Variants in DGKB observed in about 807,000 individuals in gnomAD.
DGKB encodes diacylglycerol kinase beta.
Under a neutral mutation model 114.3 loss-of-function variants are expected in DGKB, and 67 were observed. The ratio of observed to expected loss-of-function variants is 0.59; its 90% CI spans 0.48 to 0.72. DGKB has a LOEUF of 0.72. Among genes scored for constraint, DGKB ranks in the 30% least tolerant of loss-of-function variants. DGKB has a pLI of 0.00. For missense variants in DGKB, 907 were observed against 975.2 expected (o/e 0.93, Z 0.93); for synonymous variants, 398 against 323.1 (o/e 1.23, Z -2.49).
chr7:14,867,880 G>C (rs1268244052), intron 1 of DGKB, among the ~76,000 whole-genome samples: 1 of 152,060 alleles, frequency 6.6e-6, no homozygotes, highest in Non-Finnish European at 1.5e-5. Flanking sequence ...CAAATCAGCT[G>C]TCCCAGTCAA....
intron 2 of DGKB, among the ~76,000 whole-genome samples, chr7:14,809,036 CT>C (rs1158970865): frequency 6.6e-6 from 1 of 152,050 alleles, no homozygotes; most frequent in African/African-American, 2.4e-5. Flanking sequence ...TTAAAGAGAA[CT>C]CTAGAAACAA....
chr7:14,576,743 T>C (rs1251103345), intron 19 of DGKB, among the ~76,000 whole-genome samples: 1 of 152,212 alleles, frequency 6.6e-6, no homozygotes, highest in Non-Finnish European at 1.5e-5. Flanking sequence ...ATGAATGTAG[T>C]GAAAATCAAT....
rs532262792 is a variant in DGKB, at chr7:14,624,853, G to A, written c.1168-3359C>T. Among the ~76,000 whole-genome samples, 9 of 152,102 alleles carry A rather than the reference G, an allele frequency of 5.9e-5. No individual in the cohort carries two copies. The South Asian group carries it at 1.9e-3, about 32-fold the overall frequency. ...TCGCTACTAAAAACGCAAAAATATA[G>A]TCGGGCATGGTGGTGGACACCTGTG... On this transcript the variant is annotated intron_variant, in intron 14 of 25. Transcript: ENST00000402815.
intron 1 of DGKB, among the ~76,000 whole-genome samples, chr7:14,962,136 C>T (rs1250535196): frequency 6.6e-6 from 1 of 152,060 alleles, no homozygotes; most frequent in East Asian, 1.9e-4. Flanking sequence ...TCTCAATCAT[C>T]AGTTTAATTC....
At chr7:14,207,288 T>G (rs1039962024) in intron 23 of DGKB, among the ~76,000 whole-genome samples, 4 of 152,056 alleles carry the variant, frequency 2.6e-5, no homozygotes, top group Non-Finnish European at 5.9e-5. Context: ...TCTTTCAAAG[T>G]GTAATCTGCC....
chr7:14,372,821 A>G (rs1817873691), intron 21 of DGKB, among the ~76,000 whole-genome samples: 1 of 152,166 alleles, frequency 6.6e-6, no homozygotes, highest in Admixed American at 6.5e-5. Flanking sequence ...AAGTTTATCC[A>G]TTGAATCTGC....
chr7:14,705,662 A>G (rs1469093370), intron 6 of DGKB, among the ~76,000 whole-genome samples: 1 of 150,640 alleles, frequency 6.6e-6, no homozygotes, highest in East Asian at 2.0e-4. Context: ...GCCAATATTC[A>G]ACATTCTTAA....
intron 20 of DGKB, among the ~76,000 whole-genome samples, chr7:14,519,471 T>C (rs1367203503): frequency 6.6e-6 from 1 of 152,116 alleles, no homozygotes; most frequent in Non-Finnish European, 1.5e-5. Context: ...AACTGCATTT[T>C]GTTTGTCCAT....
At chr7:14,153,434 C>T (rs775981690) in intron 25 of DGKB, among the ~76,000 whole-genome samples, 59 of 151,944 alleles carry the variant, frequency 3.9e-4, no homozygotes, top group Non-Finnish European at 1.5e-4. Flanking sequence ...ATTTTGGCCT[C>T]CTAACAACTC....
At chr7:14,712,211 A>G (rs1209792122) in intron 6 of DGKB, among the ~76,000 whole-genome samples, 1 of 152,150 alleles carries the variant, frequency 6.6e-6, no homozygotes, top group African/African-American at 2.4e-5. Flanking sequence ...ATAAGAAGAA[A>G]GAAAAGAAGA....
At chr7:14,382,942 GGATAAAAATAT>G (rs1336862385) in intron 21 of DGKB, among the ~76,000 whole-genome samples, 1 of 152,094 alleles carries the variant, frequency 6.6e-6, no homozygotes, top group Non-Finnish European at 1.5e-5. Flanking sequence ...ATTAAGAAAA[GGATAAAAATAT>G]GATAAAAATG....
chr7:14,833,218 C>G (rs1846661205), intron 2 of DGKB, among the ~76,000 whole-genome samples: 1 of 152,032 alleles, frequency 6.6e-6, no homozygotes, highest in Admixed American at 6.6e-5. Flanking sequence ...AAATAATCTC[C>G]TAATAGGTTT....
At chr7:14,299,988 T>G (rs1585010293) in intron 23 of DGKB, among the ~76,000 whole-genome samples, 1 of 152,114 alleles carries the variant, frequency 6.6e-6, no homozygotes, top group South Asian at 2.1e-4. Context: ...TGATCCTCTA[T>G]AACACGGGAT....
At chr7:14,828,488 G>A (rs534689804) in intron 2 of DGKB, among the ~76,000 whole-genome samples, 26 of 152,188 alleles carry the variant, frequency 1.7e-4, no homozygotes, top group Admixed American at 1.4e-3. Context: ...ACCTTCACGG[G>A]AAGGGGCGTA....
intron 17 of DGKB, among the ~76,000 whole-genome samples, chr7:14,600,961 T>C (rs1803434402): frequency 1.3e-5 from 2 of 152,084 alleles, no homozygotes; most frequent in Non-Finnish European, 2.9e-5. Flanking sequence ...ATAGCTCCAC[T>C]AGGCATTGTC....
chr7:14,928,542 C>T (rs767174261), intron 1 of DGKB, among the ~76,000 whole-genome samples: 18 of 151,956 alleles, frequency 1.2e-4, no homozygotes, highest in Non-Finnish European at 2.5e-4. Flanking sequence ...CCTCATCCTA[C>T]TGTTATCTGC....
intron 9 of DGKB, among the ~76,000 whole-genome samples, chr7:14,691,205 G>A (rs1341100951): frequency 6.6e-6 from 1 of 152,124 alleles, no homozygotes; most frequent in Non-Finnish European, 1.5e-5. Context: ...TACTCTCCCA[G>A]GACTACTTCC....
At chr7:14,696,424 G>A (rs1330977850) in intron 8 of DGKB, among the ~76,000 whole-genome samples, 7 of 150,728 alleles carry the variant, frequency 4.6e-5, no homozygotes, top group South Asian at 2.1e-4. Context: ...GAACCCGGGA[G>A]GCGGAGCTTG....
chr7:14,670,219 C>CATGTGTGTGTGTGT (rs909744626), intron 13 of DGKB, among the ~76,000 whole-genome samples: 4 of 151,512 alleles, frequency 2.6e-5, no homozygotes, highest in African/African-American at 9.7e-5. Flanking sequence ...TGTGTGTGTG[C>CATGTGTGTGTGTGT]ATGTGTGTGT....
Sources: allele counts gnomAD v4.1 joint callset (sites outside exome capture counted in the v4.1 genomes callset), GRCh38; gene constraint gnomAD v4.1.1; transcripts MANE v1.5; gene names NCBI Gene and HGNC (gene_info 2026-07-23, HGNC 2026-07-21).